Variants in CRB1 observed in about 807,000 individuals in gnomAD.
CRB1 encodes the protein crumbs cell polarity complex component 1, also known as protein crumbs homolog 1.
Under a neutral mutation model 120.0 loss-of-function variants are expected in CRB1, and 83 were observed. That is an observed-to-expected ratio of 0.69 (90% CI 0.58 to 0.83). The LOEUF (loss-of-function observed/expected upper bound fraction) is 0.83, where lower values mean the gene tolerates loss of function less well. Ranked by LOEUF, CRB1 falls within the 40% of genes least tolerant of loss-of-function variation. The probability of loss-of-function intolerance (pLI) is 0.00; values close to 1 mark genes in which losing one functional copy is unlikely to be tolerated. For synonymous variants in CRB1, 625 were observed against 612.5 expected (o/e 1.02, Z -0.30); for missense variants, 1,699 against 1,687.6 (o/e 1.01, Z -0.12).
At chr1:197,284,137 T>C (rs476390) in intron 1 of CRB1, among the ~76,000 whole-genome samples, 130,747 of 151,924 alleles carry the variant, frequency 0.86, 56,748 homozygotes, top group East Asian at 1. Flanking sequence ...TGACACTCTA[T>C]GACGTCTTAA....
At chr1:197,352,985 C>T (rs999979380) in intron 4 of CRB1, among the ~76,000 whole-genome samples, 2 of 152,098 alleles carry the variant, frequency 1.3e-5, no homozygotes, top group African/African-American at 4.8e-5. Flanking sequence ...GATTGAAGGT[C>T]TACTGCTTAC....
chr1:197,463,065 G>A (rs945698168), intron 11 of CRB1, among the ~76,000 whole-genome samples: 1 of 151,986 alleles, frequency 6.6e-6, no homozygotes, highest in Non-Finnish European at 1.5e-5. Flanking sequence ...AAACTGGAGG[G>A]GAGCACATGG....
At chr1:197,252,580 A>ATGTGTGTGTG in the CRB1 span, among the ~76,000 whole-genome samples, 40 of 22,318 alleles carry the variant, frequency 1.8e-3, no homozygotes, top group East Asian at 4.0e-3. Context: ...ATATATATAT[A>ATGTGTGTGTG]TATGTGTGTG....
At chr1:197,325,731 T>C (rs904635056) in intron 1 of CRB1, among the ~76,000 whole-genome samples, 4 of 152,094 alleles carry the variant, frequency 2.6e-5, no homozygotes, top group Admixed American at 1.3e-4. Context: ...ACACCAGAAA[T>C]ATACATGTTC....
chr1:197,439,954 C>T (rs1571567766), intron 10 of CRB1: 2 of 152,164 alleles, frequency 1.3e-5, no homozygotes, highest in South Asian at 4.1e-4. Context: ...TGCAGCCTGC[C>T]TTCTGTGGTT....
At chr1:197,408,231 G>A (rs760560109) in intron 5 of CRB1, among the ~76,000 whole-genome samples, 11 of 152,126 alleles carry the variant, frequency 7.2e-5, no homozygotes, top group Admixed American at 2.0e-4. Context: ...TTCAATATGG[G>A]TAAGTAACAA....
chr1:197,396,176 GT>G (rs1662762549), intron 5 of CRB1, among the ~76,000 whole-genome samples: 1 of 152,010 alleles, frequency 6.6e-6, no homozygotes, highest in African/African-American at 2.4e-5. Flanking sequence ...AAAATTAGTT[GT>G]TTTTATACGC....
chr1:197,218,876 A>G, the CRB1 span, among the ~76,000 whole-genome samples: 1 of 152,242 alleles, frequency 6.6e-6, no homozygotes, highest in Non-Finnish European at 1.5e-5. Flanking sequence ...GTTTTAAGTT[A>G]AGGCTAGAAG....
intron 11 of CRB1, among the ~76,000 whole-genome samples, chr1:197,452,088 C>A (rs1020515810): frequency 1.3e-5 from 2 of 152,116 alleles, no homozygotes; most frequent in African/African-American, 2.4e-5. Flanking sequence ...TCATCTAATC[C>A]AACTTCTTTA....
At chr1:197,277,813 AG>A (rs1228353814) in intron 1 of CRB1, among the ~76,000 whole-genome samples, 3 of 151,850 alleles carry the variant, frequency 2.0e-5, no homozygotes, top group Non-Finnish European at 4.4e-5. Context: ...TTGTAAAATG[AG>A]GGGGTTATAT....
chr1:197,318,517 T>C (rs1371024156), intron 1 of CRB1, among the ~76,000 whole-genome samples: 1 of 152,146 alleles, frequency 6.6e-6, no homozygotes, highest in African/African-American at 2.4e-5. Flanking sequence ...CCAAAGGAAA[T>C]GAAATAGGTA....
chr1:197,227,140 C>T, the CRB1 span, among the ~76,000 whole-genome samples: 1 of 152,128 alleles, frequency 6.6e-6, no homozygotes, highest in Non-Finnish European at 1.5e-5. Context: ...CAACAGTCCC[C>T]CAAAGTCTTA....
At chr1:197,388,707 A>G (rs532501060) in intron 5 of CRB1, among the ~76,000 whole-genome samples, 1 of 152,210 alleles carries the variant, frequency 6.6e-6, no homozygotes, top group South Asian at 2.1e-4. Context: ...AACAAACATA[A>G]CCATGAAATT....
At chr1:197,267,541 A>G (rs1412028896), upstream of CRB1, among the ~76,000 whole-genome samples, 2 of 152,200 alleles carry the variant, frequency 1.3e-5, no homozygotes, top group Admixed American at 6.5e-5. Context: ...ACAATGGAAA[A>G]AGGCTCTGTA....
At chr1:197,282,759 T>A (rs1260269585) in intron 1 of CRB1, among the ~76,000 whole-genome samples, 1 of 151,926 alleles carries the variant, frequency 6.6e-6, no homozygotes, top group Non-Finnish European at 1.5e-5. Flanking sequence ...TATTTCTCAA[T>A]TGTTATGTTC....
rs1667269806 is a variant in CRB1, at chr1:197,477,865, G to C, written c.4207G>C (p.Glu1403Gln). 1 of 1,613,808 alleles carries C rather than the reference G, an allele frequency of 6.2e-7. No individual in the cohort carries two copies. Among genetic ancestry groups the C allele is most frequent in the East Asian group, 2.2e-5 (1 of 44,870 alleles). Reference sequence around the variant, plus strand: ...GAACTTGATGCCACCCCCTGCAATGGAGAGACTGATTTAGGAGCATTGTGT... The same window carrying C: ...GAACTTGATGCCACCCCCTGCAATGCAGAGACTGATTTAGGAGCATTGTGT... ...MWNLMPPPAM[E>Q]RLI Residue 1403 changes from glutamate (E) to glutamine (Q), a missense_variant, in exon 12 of 12, where the codon GAG becomes CAG. Physicochemically the swap from Glu to Gln is conservative, Grantham distance 29. Coordinates refer to ENST00000367400, the MANE Select transcript of CRB1 (RefSeq NM_201253.3).
intron 1 of CRB1, among the ~76,000 whole-genome samples, chr1:197,318,886 A>G (rs1658010761): frequency 6.6e-6 from 1 of 152,120 alleles, no homozygotes; most frequent in Non-Finnish European, 1.5e-5. Flanking sequence ...GTGCAAAGTT[A>G]TAGTTACACA....
chr1:197,214,811 C>T, the CRB1 span, among the ~76,000 whole-genome samples: 14 of 152,000 alleles, frequency 9.2e-5, no homozygotes, highest in East Asian at 2.7e-3. Flanking sequence ...GAAAGAAATA[C>T]CTCCAAACTC....
intron 5 of CRB1, among the ~76,000 whole-genome samples, chr1:197,409,751 G>C (rs1663602495): frequency 6.6e-6 from 1 of 152,058 alleles, no homozygotes. Context: ...TTACCACAGT[G>C]ACTGGCACAG....
Sources: allele counts gnomAD v4.1 joint callset (sites outside exome capture counted in the v4.1 genomes callset), GRCh38; gene constraint gnomAD v4.1.1; transcripts MANE v1.5; gene names NCBI Gene and HGNC (gene_info 2026-07-23, HGNC 2026-07-21).